The following NECTIN2 variants were observed in gnomAD, a reference collection of about 807,000 sequenced individuals.
NECTIN2 encodes the protein nectin-2.
A neutral mutation model predicts 56.9 loss-of-function variants in NECTIN2; 23 were observed. The observed-to-expected ratio is 0.40, with a 90% CI of 0.29 to 0.57. The LOEUF (loss-of-function observed/expected upper bound fraction) is 0.57, where lower values mean the gene tolerates loss of function less well. Ranked by LOEUF, NECTIN2 falls within the 20% of genes least tolerant of loss-of-function variation. The pLI is 0.38. For synonymous variants in NECTIN2, 302 were observed against 313.8 expected (o/e 0.96, Z 0.40); for missense variants, 587 against 718.3 (o/e 0.82, Z 2.09).
In NECTIN2 at chr19:44,885,946, A is replaced by G. The variant is rs1173217156; in HGVS notation, c.1206A>G (p.Gly402=). The change falls in exon 7 of 9, where the codon GGA becomes GGG. Residue 402 remains glycine (G), a synonymous_variant. Transcript: ENST00000252483. ...ACCTCCTACCCCACAGCCTGGAGGG[A>G]CCTCCCTCCTACAAGCCACCGACCC... ...QGAEEDEDLE[G]PPSYKPPTPK... is the part of the protein sequence containing the mutation. The G allele has an allele frequency of 1.3e-6, 2 of 1,580,194 alleles. No individual in the cohort carries two copies. Among genetic ancestry groups the G allele is most frequent in the Non-Finnish European group, 8.7e-7 (1 of 1,149,550 alleles).
chr19:44,856,178 G>A (rs542234286), intron 1 of NECTIN2, among the ~76,000 whole-genome samples: 109 of 152,318 alleles, frequency 7.2e-4, no homozygotes, highest in Middle Eastern at 3.4e-3. Context: ...ACATATGCCT[G>A]TAATCCCAGC....
chr19:44,885,836 G>A (rs113744536), intron 6 of NECTIN2, 101 bp from the exon 7 acceptor site: 2 of 950,372 alleles, frequency 2.1e-6, no homozygotes, highest in African/African-American at 1.6e-5. Context: ...GGGGGCAGGG[G>A]AAAGGGAGAC....
intron 1 of NECTIN2, among the ~76,000 whole-genome samples, chr19:44,864,777 G>A (rs1036374020): frequency 8.6e-5 from 13 of 151,966 alleles, no homozygotes; most frequent in African/African-American, 2.4e-4. Context: ...GCAGTGAGCC[G>A]AGATCGCGCC....
In NECTIN2 at chr19:44,846,331, C is replaced by A; in HGVS notation, c.-195C>A. The A allele has an allele frequency of 1.7e-6, 1 of 585,548 alleles. No individual in the cohort carries two copies. Among genetic ancestry groups the A allele is most frequent in the Non-Finnish European group, 2.7e-6 (1 of 374,572 alleles). The allele number at this position is 585,548 out of a possible 1,614,324, so 36.3% of individuals were successfully genotyped here. A position where few individuals can be genotyped will look rare whatever the true frequency, so the allele number is the denominator to read the frequency against. ...GCGGGTTCGAACCGCCGGAGCTGAG[C>A]GAGAGGCCGGGGGTGCCGAGCCGGG... On this transcript the variant is annotated 5_prime_UTR_variant, in exon 1 of 9. Transcript: ENST00000252483.
chr19:44,872,322 C>T (rs1024647423), intron 3 of NECTIN2, among the ~76,000 whole-genome samples, 173 bp downstream of exon 3: 1 of 152,166 alleles, frequency 6.6e-6, no homozygotes, highest in Non-Finnish European at 1.5e-5. Flanking sequence ...TACATACTTC[C>T]CCCTCATTGT....
chr19:44,865,515 C>T lies in NECTIN2; in HGVS notation c.333C>T (p.Ser111=), dbSNP rs993230655. 2 of 1,596,872 alleles carry T rather than the reference C, an allele frequency of 1.3e-6. No individual in the cohort carries two copies. Among genetic ancestry groups the T allele is most frequent in the East Asian group, 2.3e-5 (1 of 43,846 alleles). Residue 111 remains serine, a synonymous_variant, in exon 2 of 9, where the codon AGC becomes AGT. Coordinates refer to ENST00000252483, the MANE Select transcript of NECTIN2 (RefSeq NM_001042724.2). This position sits in a 1 kb window ranked among gnomAD's most constrained non-coding sequence, Gnocchi z 5.2. ...ERLSFVSAKQ[S]TGQDTEAELQ... is the part of the protein sequence containing the mutation. ...TGTCCTTCGTCTCTGCCAAGCAGAG[C>T]ACTGGGCAAGACACAGAGGCAGAGC... is the stretch of plus-strand genomic sequence containing the variant.
chr19:44,864,016 C>T (rs928520709), intron 1 of NECTIN2, among the ~76,000 whole-genome samples: 1 of 151,344 alleles, frequency 6.6e-6, no homozygotes, highest in Admixed American at 6.6e-5. Flanking sequence ...GAGGATTCCC[C>T]CCCCCCAAAA....
intron 1 of NECTIN2, among the ~76,000 whole-genome samples, chr19:44,850,777 G>A (rs552698870): frequency 1.1e-4 from 16 of 152,242 alleles, no homozygotes; most frequent in African/African-American, 3.4e-4. Flanking sequence ...CTGGATTTCC[G>A]CTGTGGGGGT....
intron 1 of NECTIN2, among the ~76,000 whole-genome samples, chr19:44,849,149 G>A (rs963567064): frequency 6.6e-6 from 1 of 152,134 alleles, no homozygotes; most frequent in African/African-American, 2.4e-5. Flanking sequence ...TAGGAATGGG[G>A]TCAGAGACAC....
In NECTIN2 at chr19:44,876,015, C is replaced by T. The variant is rs143147851; in HGVS notation, c.1042+1537C>T. On this transcript the variant is annotated intron_variant, in intron 5 of 8. Coordinates refer to ENST00000252483, the MANE Select transcript of NECTIN2 (RefSeq NM_001042724.2). ...CGGCTGCACACGGAGGAATGTCATC[C>T]CTCACTCACAGACCCTCAGACGGAA... Among the ~76,000 whole-genome samples, 15 of 152,246 alleles carry T rather than the reference C, an allele frequency of 9.9e-5. No homozygotes were observed. The East Asian group carries it at 2.7e-3, about 27-fold the overall frequency.
At chr19:44,885,351 C>T (rs1438590003) in intron 6 of NECTIN2, among the ~76,000 whole-genome samples, 1 of 135,552 alleles carries the variant, frequency 7.4e-6, no homozygotes, top group Non-Finnish European at 1.5e-5. Context: ...GCATCTCACT[C>T]TATTGCACAG....
intron 1 of NECTIN2, among the ~76,000 whole-genome samples, chr19:44,859,969 G>A (rs891318389): frequency 1.2e-4 from 18 of 152,266 alleles, no homozygotes; most frequent in Admixed American, 6.5e-5. Context: ...GCCTATCAGC[G>A]GCTGAATGGA....
In NECTIN2 at chr19:44,875,276, T is replaced by C. The variant is rs1281266263; in HGVS notation, c.1042+798T>C. Reference sequence around the variant, plus strand: ...ACCTGGAAAGGGACATTCTTTTTTTTTTTTTTTGAGATGGAGTCTCGCTCT... The same window carrying C: ...ACCTGGAAAGGGACATTCTTTTTTTCTTTTTTTGAGATGGAGTCTCGCTCT... On this transcript the variant is annotated intron_variant, in intron 5 of 8. Coordinates refer to ENST00000252483, the MANE Select transcript of NECTIN2 (RefSeq NM_001042724.2). The surrounding 1 kb of genome is among the most constrained non-coding windows in gnomAD (Gnocchi z 4.2). Among the ~76,000 whole-genome samples, 1 of 151,766 alleles carries C rather than the reference T, an allele frequency of 6.6e-6. No homozygotes were observed. Among genetic ancestry groups the C allele is most frequent in the Non-Finnish European group, 1.5e-5 (1 of 67,854 alleles).
chr19:44,882,044 C>T (rs962261794), intron 5 of NECTIN2, 167 bp from the exon 6 acceptor site: 53 of 503,838 alleles, frequency 1.1e-4, no homozygotes, highest in Non-Finnish European at 1.4e-4. Flanking sequence ...GGCACACATC[C>T]TCGCTCCTTC....
In NECTIN2 at chr19:44,875,517, C is replaced by T. The variant is rs1053790221; in HGVS notation, c.1042+1039C>T. Among the ~76,000 whole-genome samples, 7 of 152,180 alleles carry T rather than the reference C, an allele frequency of 4.6e-5. No individual in the cohort carries two copies. Among genetic ancestry groups the T allele is most frequent in the Admixed American group, 6.5e-5 (1 of 15,280 alleles). ...CTGACCTCAGGTGATCCACCCGCCT[C>T]GGCCTCACGAAGTGCTGGGATTATA... is the stretch of plus-strand genomic sequence containing the variant. On this transcript the variant is annotated intron_variant, in intron 5 of 8. Coordinates refer to ENST00000252483, the MANE Select transcript of NECTIN2 (RefSeq NM_001042724.2). The surrounding 1 kb of genome is among the most constrained non-coding windows in gnomAD (Gnocchi z 4.2).
At chr19:44,850,462 C>T (rs966798051) in intron 1 of NECTIN2, among the ~76,000 whole-genome samples, 4 of 151,932 alleles carry the variant, frequency 2.6e-5, no homozygotes, top group South Asian at 2.1e-4. Flanking sequence ...CTGGGCAACA[C>T]GGCGAAACCC....
chr19:44,878,174 T>C, intron 5 of NECTIN2: 2 of 627,192 alleles, frequency 3.2e-6, no homozygotes, highest in South Asian at 1.9e-5. Flanking sequence ...CCTCGTGATC[T>C]TGTGTCTCCC....
chr19:44,883,217 T>TGGTCAGGCAGGGTG (rs887054300), intron 6 of NECTIN2, among the ~76,000 whole-genome samples: 18 of 151,300 alleles, frequency 1.2e-4, no homozygotes, highest in African/African-American at 2.7e-4. Context: ...AGAGTAACAC[T>TGGTCAGGCAGGGTG]GGTCAGGCAG....
At chr19:44,852,934 C>T (rs999179920) in intron 1 of NECTIN2, among the ~76,000 whole-genome samples, 1 of 151,948 alleles carries the variant, frequency 6.6e-6, no homozygotes, top group Non-Finnish European at 1.5e-5. Flanking sequence ...CAGTGAGACC[C>T]CTTCTCTACA....
Sources: gnomAD v4.1 joint callset for allele counts (sites outside exome capture counted in the v4.1 genomes callset) on GRCh38, gnomAD v4.1.1 for gene constraint, Gnocchi (gnomAD v3.1) non-coding constraint, MANE v1.5 for transcripts, NCBI Gene and HGNC (gene_info 2026-07-23, HGNC 2026-07-21) for gene names.